Variants in DCAF1 observed in about 807,000 individuals in gnomAD.
DCAF1 encodes the protein DDB1- and CUL4-associated factor 1.
A neutral mutation model predicts 128.0 loss-of-function variants in DCAF1; 15 were observed. The observed-to-expected ratio is 0.12, with a 90% CI of 0.08 to 0.18. The LOEUF (loss-of-function observed/expected upper bound fraction) is 0.18. Among genes scored for constraint, DCAF1 ranks in the 10% least tolerant of loss-of-function variants. The probability of loss-of-function intolerance (pLI) is 1.00; values close to 1 mark genes in which losing one functional copy is unlikely to be tolerated. For synonymous variants in DCAF1, 610 were observed against 603.0 expected, an observed-to-expected ratio of 1.01 and a Z score of -0.17; for missense variants, 988 against 1,649.5, an observed-to-expected ratio of 0.60 and a Z score of 6.95.
At chr3:51,448,773 AC>A (rs1322308722) in intron 6 of DCAF1, among the ~76,000 whole-genome samples, 1 of 152,210 alleles carries the variant, frequency 6.6e-6, no homozygotes, top group African/African-American at 2.4e-5. Flanking sequence ...AGACAACCAG[AC>A]AGAAGATCAA....
At chr3:51,439,141 T>A (rs1050117162) in intron 9 of DCAF1, among the ~76,000 whole-genome samples, 37 of 152,094 alleles carry the variant, frequency 2.4e-4, no homozygotes, top group African/African-American at 8.5e-4. Flanking sequence ...TCTGCCTGTT[T>A]TGTTTTTTTC....
In DCAF1 at chr3:51,420,802, G is replaced by A. The variant is rs373824885; in HGVS notation, c.2168C>T (p.Ala723Val). Residue 723 changes from alanine (A) to valine (V), a missense_variant, in exon 15 of 25, where the codon GCC (alanine) becomes GTC (valine). By Grantham distance (64) the Ala-to-Val change is moderately conservative (BLOSUM62 0). Around this residue, in one of 11 missense-constraint regions of DCAF1, gnomAD observed 185 missense variants for 248.1 expected, o/e 0.75. Coordinates refer to ENST00000684031, the MANE Select transcript of DCAF1 (RefSeq NM_001387579.1). This position sits in a 1 kb window ranked among gnomAD's most constrained non-coding sequence, Gnocchi z 6.5. ...GGACTGAACCACATTCCACATCTTG[G>A]CCAGGGTGTGCTCACTGCTTTTAGG... The part of the protein sequence containing the change: ...QNPKSSEHTL[A>V]KMWNVVQSNN... 6.2e-7 allele frequency: 1 copy of A among 1,613,998 alleles called. No homozygotes were observed. Among genetic ancestry groups the A allele is most frequent in the Middle Eastern group, 1.6e-4 (1 of 6,062 alleles).
chr3:51,413,009 T>A lies in DCAF1; in HGVS notation c.4094A>T (p.Tyr1365Phe), dbSNP rs782657004. The A allele has an allele frequency of 6.2e-7, 1 of 1,613,994 alleles. No individual in the cohort carries two copies. Among genetic ancestry groups the A allele is most frequent in the Non-Finnish European group, 8.5e-7 (1 of 1,179,876 alleles). ...TCCCTTTACCTCAATGACAGCAAGA[T>A]AGCAGTCTTTGGTGTCTGTACACAG... The part of the protein sequence containing the change: ...FDLCTDTKDC[Y>F]LAVIENQGSM... Residue 1365 changes from tyrosine (Y) to phenylalanine (F), a missense_variant, in exon 22 of 25, where the codon TAT becomes TTT. By Grantham distance (22) the Tyr-to-Phe change is conservative. Around this residue, in one of 11 missense-constraint regions of DCAF1, gnomAD observed 85 missense variants for 204.6 expected, o/e 0.42. Coordinates refer to ENST00000684031, the MANE Select transcript of DCAF1 (RefSeq NM_001387579.1).
chr3:51,455,777 G>A (rs1702832061), intron 6 of DCAF1, among the ~76,000 whole-genome samples: 1 of 151,820 alleles, frequency 6.6e-6, no homozygotes, highest in African/African-American at 2.4e-5. Flanking sequence ...CGAGCCTGTA[G>A]TCCCAGCTAC....
At chr3:51,424,141 A>AAAACCGGCTG (rs1265524383) in intron 13 of DCAF1, among the ~76,000 whole-genome samples, 4 of 152,126 alleles carry the variant, frequency 2.6e-5, no homozygotes, top group Non-Finnish European at 5.9e-5. Flanking sequence ...TAAAAAAGAA[A>AAAACCGGCTG]AAACCGGCTG....
chr3:51,418,086 A>G, intron 17 of DCAF1, 30 bp downstream of exon 17: 1 of 1,596,444 alleles, frequency 6.3e-7, no homozygotes, highest in South Asian at 1.1e-5. Flanking sequence ...TAAATAAAGC[A>G]CAGACTAGGT....
intron 5 of DCAF1, among the ~76,000 whole-genome samples, chr3:51,464,776 A>G (rs116076885): frequency 3.9e-4 from 59 of 152,298 alleles, no homozygotes; most frequent in Non-Finnish European, 6.8e-4. Context: ...AGGAGGGCAC[A>G]AGACCCCTGA....
intron 15 of DCAF1, among the ~76,000 whole-genome samples, chr3:51,419,400 G>A (rs926444846): frequency 2.6e-5 from 4 of 151,842 alleles, no homozygotes; most frequent in Admixed American, 1.3e-4. Flanking sequence ...CTGTGATCCC[G>A]TAACCTTTAT....
chr3:51,465,197 T>G (rs987893197), intron 5 of DCAF1, among the ~76,000 whole-genome samples: 23 of 151,904 alleles, frequency 1.5e-4, no homozygotes, highest in African/African-American at 5.6e-4. Context: ...GTGAAGGGAG[T>G]AATAACATCT....
chr3:51,441,542 G>A lies in DCAF1; in HGVS notation c.869C>T (p.Ser290Phe). ...KAKQKLGFSS[S>F]DPDRMFVELS... ...CTCAACAAACATGCGATCTGGATCA[G>A]AAGATGAGAAACCCAACTTTTGCTT... The change falls in exon 8 of 25, where the codon TCT (serine) becomes TTT (phenylalanine). Residue 290 changes from serine (S) to phenylalanine (F), a missense_variant. By Grantham distance (155) the Ser-to-Phe change is radical. Transcript: ENST00000684031. The A allele has an allele frequency of 6.2e-7, 1 of 1,614,022 alleles. No individual in the cohort carries two copies. The highest frequency in any genetic ancestry group is 8.5e-7 in the Non-Finnish European group (1 of 1,179,890).
rs1553646682 is a variant in DCAF1 at position 51,466,811 on chromosome 3, T to C, written c.253A>G (p.Met85Val). The C allele has an allele frequency of 1.9e-6, 3 of 1,613,190 alleles. No individual in the cohort carries two copies. Among genetic ancestry groups the C allele is most frequent in the Non-Finnish European group, 1.7e-6 (2 of 1,179,426 alleles). ...LRILFKNDDF[M>V]NALVNAYVMT... ...GTAAGAAGCAAACCTACTGCATTCA[T>C]GAAATCATCATTCTTGAAGAGTATT... is the stretch of plus-strand genomic sequence containing the variant. The change falls in exon 5 of 25, where the codon ATG (methionine) becomes GTG (valine). Residue 85 changes from methionine to valine, a missense_variant. Coordinates refer to ENST00000684031, the MANE Select transcript of DCAF1 (RefSeq NM_001387579.1).
chr3:51,412,313 G>T, intron 23 of DCAF1, 66 bp downstream of exon 23: 1 of 1,603,938 alleles, frequency 6.2e-7, no homozygotes. Context: ...ACCTCCTACA[G>T]CAAAAAGCAG....
intron 2 of DCAF1, among the ~76,000 whole-genome samples, chr3:51,492,880 C>T (rs2108541736): frequency 6.6e-6 from 1 of 151,638 alleles, no homozygotes; most frequent in Admixed American, 6.6e-5. Flanking sequence ...AGTAGTCCCA[C>T]CTACTCGGGA....
intron 6 of DCAF1, among the ~76,000 whole-genome samples, chr3:51,451,795 T>G (rs1451003493): frequency 6.6e-6 from 1 of 151,948 alleles, no homozygotes; most frequent in Non-Finnish European, 1.5e-5. Flanking sequence ...AAGCTTTTTT[T>G]CAATATCTCT....
intron 6 of DCAF1, among the ~76,000 whole-genome samples, chr3:51,456,823 C>A (rs1023949940): frequency 2.0e-5 from 3 of 152,204 alleles, no homozygotes; most frequent in African/African-American, 4.8e-5. Context: ...GGACCTCTAG[C>A]AAACTCCACA....
intron 6 of DCAF1, among the ~76,000 whole-genome samples, chr3:51,445,326 G>A (rs892999989): frequency 6.6e-6 from 1 of 152,122 alleles, no homozygotes; most frequent in African/African-American, 2.4e-5. Flanking sequence ...AATTGTGATA[G>A]TGTATATATT....
rs782654376 is a variant in DCAF1, at chr3:51,441,691, G to A, written c.720C>T (p.Ser240=). Residue 240 remains serine, a synonymous_variant, in exon 8 of 25, where the codon TCC becomes TCT. Coordinates refer to ENST00000684031, the MANE Select transcript of DCAF1 (RefSeq NM_001387579.1). ...TCTTGTGGCCTGAATCAAGATGAAA[G>A]GAGATCTCCATGTCTCCAGAAGCTT... ...QEEASGDMEI[S]FHLDSGHKTS... is the part of the protein sequence containing the mutation. The A allele has an allele frequency of 2.5e-6, 4 of 1,613,968 alleles. No homozygotes were observed. Among genetic ancestry groups the A allele is most frequent in the East Asian group, 2.2e-5 (1 of 44,886 alleles).
At chr3:51,467,961 C>T (rs1553647112) in intron 4 of DCAF1, among the ~76,000 whole-genome samples, 1 of 152,150 alleles carries the variant, frequency 6.6e-6, no homozygotes. Flanking sequence ...ATGACAACAG[C>T]AACAGAGATG....
chr3:51,413,331 G>A lies in DCAF1; in HGVS notation c.3987C>T (p.Pro1329=), dbSNP rs782550353. The A allele has an allele frequency of 1.9e-6, 3 of 1,613,664 alleles. No individual in the cohort carries two copies. The highest frequency in any genetic ancestry group is 2.5e-6 in the Non-Finnish European group (3 of 1,179,790). Residue 1329 remains proline (P), a synonymous_variant, in exon 21 of 25, where the codon CCC becomes CCT. Coordinates refer to ENST00000684031, the MANE Select transcript of DCAF1 (RefSeq NM_001387579.1). ...DDLMEERMKS[P]FGSSFRTFNA... is the part of the protein sequence containing the mutation. ...TAAATGTTCGGAAGGATGACCCAAA[G>A]GGGCTTTTCATCCTCTCTTCCATTA... is the stretch of plus-strand genomic sequence containing the variant.
Sources: gnomAD v4.1 joint callset for allele counts (sites outside exome capture counted in the v4.1 genomes callset) on GRCh38, gnomAD v4.1.1 for gene constraint, gnomAD v4.1.1 regional missense constraint, Gnocchi (gnomAD v3.1) non-coding constraint, MANE v1.5 for transcripts, NCBI Gene and HGNC (gene_info 2026-07-23, HGNC 2026-07-21) for gene names.